The following CADPS variants were observed in gnomAD, a reference collection of about 807,000 sequenced individuals.
CADPS encodes calcium dependent secretion activator.
CADPS carries 57 observed loss-of-function variants against 167.3 expected under a neutral mutation model. The ratio of observed to expected loss-of-function variants is 0.34; its 90% confidence interval spans 0.28 to 0.42. The LOEUF is 0.42. Ranked by LOEUF, CADPS falls within the 20% of genes least tolerant of loss-of-function variation. The pLI is 1.00. For synonymous variants in CADPS, 676 were observed against 635.3 expected, an observed-to-expected ratio of 1.06 and a Z score of -0.96; for missense variants, 1,414 against 1,738.1, an observed-to-expected ratio of 0.81 and a Z score of 3.32.
Position 62,532,944 on chromosome 3 carries a change from T to A in CADPS, c.2218A>T (p.Asn740Tyr). The part of the protein sequence containing the change: ...YLRDLLERAE[N>Y]GAMIDPTLLH... ...AGGGTGGGGTCGATCATGGCGCCAT[T>A]TTCTGCCCGTTCAAGCAAGTCTCTG... The change falls in exon 13 of 30, where the codon AAT becomes TAT. Residue 740 changes from asparagine (N) to tyrosine (Y), a missense_variant. Asn to Tyr is a moderately radical substitution (Grantham distance 143). Transcript: ENST00000383710. 1 of 1,613,692 alleles carries A rather than the reference T, an allele frequency of 6.2e-7. No individual in the cohort carries two copies. Among genetic ancestry groups the A allele is most frequent in the Non-Finnish European group, 8.5e-7 (1 of 1,179,818 alleles).
intron 1 of CADPS, among the ~76,000 whole-genome samples, chr3:62,869,234 T>C (rs1289558280): frequency 1.3e-5 from 2 of 152,098 alleles, no homozygotes; most frequent in Non-Finnish European, 2.9e-5. Context: ...CTTCATCATC[T>C]AGCTTTTTTC....
At chr3:62,540,907 CA>C (rs1400277743) in intron 11 of CADPS, among the ~76,000 whole-genome samples, 1 of 152,104 alleles carries the variant, frequency 6.6e-6, no homozygotes, top group African/African-American at 2.4e-5. Context: ...TTGACATTAG[CA>C]GAGGGAAAAC....
intron 6 of CADPS, chr3:62,626,578 G>T: frequency 1.4e-6 from 1 of 702,102 alleles, no homozygotes; most frequent in Admixed American, 2.0e-5. Flanking sequence ...ATTACCCTAG[G>T]AAGAAGTTCT....
At chr3:62,738,066 A>G (rs1323094773) in intron 3 of CADPS, among the ~76,000 whole-genome samples, 2 of 152,150 alleles carry the variant, frequency 1.3e-5, no homozygotes, top group Non-Finnish European at 2.9e-5. Context: ...CTGGTGTATG[A>G]TAGACACTCA....
chr3:62,457,184 A>G (rs1483577041), intron 26 of CADPS, among the ~76,000 whole-genome samples: 7 of 152,212 alleles, frequency 4.6e-5, no homozygotes, highest in African/African-American at 9.6e-5. Flanking sequence ...ACAAGTGTCA[A>G]ATACTTACTC....
intron 1 of CADPS, among the ~76,000 whole-genome samples, chr3:62,843,352 T>C (rs2076907638): frequency 6.6e-6 from 1 of 152,232 alleles, no homozygotes. Flanking sequence ...TTACTAAATA[T>C]TGAAGATTCG....
intron 1 of CADPS, among the ~76,000 whole-genome samples, chr3:62,820,178 G>T (rs1167421837): frequency 6.6e-6 from 1 of 152,206 alleles, no homozygotes; most frequent in African/African-American, 2.4e-5. Context: ...GTATAATCCT[G>T]TGTTGGGTTA....
At chr3:62,724,073 T>A (rs2076307619) in intron 3 of CADPS, among the ~76,000 whole-genome samples, 1 of 152,266 alleles carries the variant, frequency 6.6e-6, no homozygotes, top group African/African-American at 2.4e-5. Flanking sequence ...GCACTTAACC[T>A]TGATGTATCT....
At chr3:62,633,231 T>TC (rs2065640609) in intron 6 of CADPS, among the ~76,000 whole-genome samples, 2 of 152,246 alleles carry the variant, frequency 1.3e-5, no homozygotes, top group African/African-American at 4.8e-5. Flanking sequence ...AACCTGTCCC[T>TC]CTCACTTGCT....
At chr3:62,826,619 A>G (rs2152963280) in intron 1 of CADPS, among the ~76,000 whole-genome samples, 1 of 152,250 alleles carries the variant, frequency 6.6e-6, no homozygotes, top group Non-Finnish European at 1.5e-5. Flanking sequence ...ATGGGTCTTC[A>G]AGTCTCCATA....
At chr3:62,503,012 G>A (rs1461303115) in intron 17 of CADPS, among the ~76,000 whole-genome samples, 1 of 151,742 alleles carries the variant, frequency 6.6e-6, no homozygotes, top group African/African-American at 2.4e-5. Context: ...ACAGAGGTGT[G>A]ACATTGTTTG....
intron 21 of CADPS, among the ~76,000 whole-genome samples, chr3:62,484,316 A>C (rs149490984): frequency 6.6e-6 from 1 of 152,194 alleles, no homozygotes; most frequent in Non-Finnish European, 1.5e-5. Flanking sequence ...AATTCTAAGC[A>C]TAATATTTTA....
At chr3:62,810,247 C>T (rs10454776) in intron 1 of CADPS, among the ~76,000 whole-genome samples, 6,664 of 152,230 alleles carry the variant, frequency 0.044, 204 homozygotes, top group Non-Finnish European at 0.069. Context: ...TGTAGGAGAA[C>T]ATGGGCCTCA....
At chr3:62,413,667 G>C (rs1048654572) in intron 28 of CADPS, among the ~76,000 whole-genome samples, 1 of 152,096 alleles carries the variant, frequency 6.6e-6, no homozygotes, top group South Asian at 2.1e-4. Context: ...ATGAAACGAC[G>C]TCTACAGATC....
intron 1 of CADPS, among the ~76,000 whole-genome samples, chr3:62,837,820 T>A (rs1217818400): frequency 6.6e-6 from 1 of 152,188 alleles, no homozygotes; most frequent in South Asian, 2.1e-4. Context: ...TGTTTCTTCT[T>A]CTGTAAAAAT....
Position 62,399,204 on chromosome 3 carries a change from A to G in CADPS, c.*202T>C. 1.8e-6 allele frequency: 1 copy of G among 558,466 alleles called. No homozygotes were observed. The highest frequency in any genetic ancestry group is 2.2e-5 in the South Asian group (1 of 45,272). The allele number at this position is 558,466 out of a possible 1,614,324, so 34.6% of individuals were successfully genotyped here. On this transcript the variant is annotated 3_prime_UTR_variant, in exon 30 of 30. Transcript: ENST00000383710. This position sits in a 1 kb window ranked among gnomAD's most constrained non-coding sequence, Gnocchi z 5.6. Reference sequence around the variant, plus strand: ...ATGGTGCTCCATATTGCTTGTAAACATATAGACATGGACATCAGGAAATCA... The same window carrying G: ...ATGGTGCTCCATATTGCTTGTAAACGTATAGACATGGACATCAGGAAATCA...
At chr3:62,472,838 G>T (rs2060784042) in intron 24 of CADPS, among the ~76,000 whole-genome samples, 1 of 152,196 alleles carries the variant, frequency 6.6e-6, no homozygotes, top group Non-Finnish European at 1.5e-5. Context: ...TCTTCCCCAA[G>T]GGGGGCTATC....
intron 6 of CADPS, among the ~76,000 whole-genome samples, chr3:62,636,733 T>A (rs2066388017): frequency 6.6e-6 from 1 of 152,178 alleles, no homozygotes; most frequent in Non-Finnish European, 1.5e-5. Context: ...GAAGCCAGAA[T>A]AACAGGCTTG....
Position 62,601,995 on chromosome 3 carries a change from T to C in CADPS, c.1326-9247A>G, listed in dbSNP as rs919613509. Among the ~76,000 whole-genome samples the C allele has an allele frequency of 1.3e-5, 2 of 152,166 alleles. No homozygotes were observed. The highest frequency in any genetic ancestry group is 2.9e-5 in the Non-Finnish European group (2 of 68,040). ...TCTGTTTACTATTTAAAGCCTCTTA[T>C]TTGCGGAAGCCTCCTCAGACCATAT... is the stretch of plus-strand genomic sequence containing the variant. On this transcript the variant is annotated intron_variant, in intron 6 of 29. Transcript: ENST00000383710. This position sits in a 1 kb window ranked among gnomAD's most constrained non-coding sequence, Gnocchi z 4.3.
Sources: gnomAD v4.1 joint callset for allele counts (sites outside exome capture counted in the v4.1 genomes callset) on GRCh38, gnomAD v4.1.1 for gene constraint, Gnocchi (gnomAD v3.1) non-coding constraint, MANE v1.5 for transcripts, NCBI Gene and HGNC (gene_info 2026-07-23, HGNC 2026-07-21) for gene names.